The following ZNF407 variants were observed in gnomAD, a reference collection of about 807,000 sequenced individuals.
The protein encoded by ZNF407 is zinc finger protein 407.
In ZNF407, 17 loss-of-function variants were observed where a neutral mutation model predicts 131.2. That is an observed-to-expected ratio of 0.13 (90% CI 0.09 to 0.19). The LOEUF (loss-of-function observed/expected upper bound fraction) is 0.19. Ranked by LOEUF, ZNF407 falls within the 10% of genes least tolerant of loss-of-function variation. The pLI is 1.00. For missense variants in ZNF407, 2,681 were observed against 2,830.6 expected (o/e 0.95, Z 1.20); for synonymous variants, 1,156 against 1,062.0 (o/e 1.09, Z -1.72).
At chr18:74,887,744 A>T (rs17055822) in intron 6 of ZNF407, among the ~76,000 whole-genome samples, 18,380 of 152,126 alleles carry the variant, frequency 0.12, 1,204 homozygotes, top group Middle Eastern at 0.22. Flanking sequence ...CCATATTTTT[A>T]GTTGTCTTTA....
intron 3 of ZNF407, among the ~76,000 whole-genome samples, chr18:74,768,897 TGATATTTATA>T (rs1384130117): frequency 2.6e-5 from 4 of 152,172 alleles, no homozygotes; most frequent in Non-Finnish European, 4.4e-5. Flanking sequence ...AGGATGAAAA[TGATATTTATA>T]GAGTCCTGTC....
intron 4 of ZNF407, among the ~76,000 whole-genome samples, chr18:74,813,708 CCTT>C (rs1970230472): frequency 6.6e-6 from 1 of 152,126 alleles, no homozygotes; most frequent in Admixed American, 6.5e-5. Context: ...TCCAAGGGCC[CCTT>C]TGTCCGCCTC....
At chr18:75,046,232 A>G (rs896907422) in intron 8 of ZNF407, among the ~76,000 whole-genome samples, 1 of 152,202 alleles carries the variant, frequency 6.6e-6, no homozygotes, top group Non-Finnish European at 1.5e-5. Context: ...ATACAGCAAC[A>G]TGGGACCAAT....
At chr18:74,852,359 C>T (rs1970801944) in intron 4 of ZNF407, among the ~76,000 whole-genome samples, 1 of 151,826 alleles carries the variant, frequency 6.6e-6, no homozygotes, top group Non-Finnish European at 1.5e-5. Context: ...GTATTTATAC[C>T]TAAAAAAGAA....
chr18:74,909,845 T>C (rs545140892), intron 7 of ZNF407, among the ~76,000 whole-genome samples: 2 of 152,226 alleles, frequency 1.3e-5, no homozygotes, highest in Non-Finnish European at 2.9e-5. Flanking sequence ...TTTGACTTTA[T>C]GATTTCAGCT....
In ZNF407 at chr18:74,881,179, C is replaced by T. The variant is rs572719921; in HGVS notation, c.5128+60C>T. On this transcript the variant is annotated intron_variant, in intron 6 of 8. Coordinates refer to ENST00000299687, the MANE Select transcript of ZNF407 (RefSeq NM_017757.3). ...AGAGAGGACGGCAAGACACCCCAGC[C>T]TCAATTCTTGATGTCATCATTTACT... The T allele has an allele frequency of 1.8e-3, 2,537 of 1,434,982 alleles. 36 individuals are homozygous for T. Among genetic ancestry groups the T allele is most frequent in the South Asian group, 0.01 (808 of 80,344 alleles). 88.9% of individuals were successfully genotyped at this position (1,434,982 alleles called of 1,614,324 possible).
intron 3 of ZNF407, among the ~76,000 whole-genome samples, chr18:74,656,100 A>T (rs2144720448): frequency 6.6e-6 from 1 of 152,292 alleles, no homozygotes; most frequent in Non-Finnish European, 1.5e-5. Context: ...ATTTATCATT[A>T]TAATAGAGGC....
At chr18:74,921,294 G>A (rs1488278702) in intron 8 of ZNF407, among the ~76,000 whole-genome samples, 2 of 152,220 alleles carry the variant, frequency 1.3e-5, no homozygotes, top group Non-Finnish European at 2.9e-5. Context: ...CAGCGATGTG[G>A]CTGCAACTGC....
intron 8 of ZNF407, among the ~76,000 whole-genome samples, chr18:74,923,669 C>T (rs1014632924): frequency 6.6e-6 from 1 of 151,982 alleles, no homozygotes; most frequent in Non-Finnish European, 1.5e-5. Flanking sequence ...TTTGGCTTTA[C>T]GTATTTTGAA....
At chr18:75,044,575 A>G (rs1284791013) in intron 8 of ZNF407, among the ~76,000 whole-genome samples, 1 of 152,182 alleles carries the variant, frequency 6.6e-6, no homozygotes, top group Admixed American at 6.5e-5. Context: ...GTTTCTGATC[A>G]TGAAGTGAAT....
intron 3 of ZNF407, among the ~76,000 whole-genome samples, chr18:74,779,952 G>A (rs1399493714): frequency 1.3e-5 from 2 of 151,852 alleles, no homozygotes; most frequent in Non-Finnish European, 1.5e-5. Flanking sequence ...TATTATCACT[G>A]TGTTCTTTTT....
chr18:74,722,532 C>T (rs1968063828), intron 3 of ZNF407, among the ~76,000 whole-genome samples: 1 of 151,940 alleles, frequency 6.6e-6, no homozygotes. Context: ...GGGGTTTTGC[C>T]CTCACCCCAG....
rs1985716746 is a variant in ZNF407, at chr18:74,661,554, GTTTAAA to G, written c.4802+20438_4802+20443del. 2.0e-5 allele frequency among the ~76,000 whole-genome samples: 3 copies of G among 151,804 alleles called. No individual in the cohort carries two copies. The South Asian group carries it at 6.2e-4, about 31-fold the overall frequency. On this transcript the variant is annotated intron_variant, in intron 3 of 8. Coordinates refer to ENST00000299687, the MANE Select transcript of ZNF407 (RefSeq NM_017757.3). ...ATTTTTATGTTTATTAATGATATCT[GTTTAAA>G]TTTAAGTGTTTCCACATTTCCAAGT...
intron 3 of ZNF407, among the ~76,000 whole-genome samples, chr18:74,714,518 G>A (rs1050598150): frequency 1.3e-5 from 2 of 152,258 alleles, no homozygotes; most frequent in Admixed American, 6.5e-5. Flanking sequence ...TTTTAGAAGT[G>A]AACAATGCTG....
At chr18:74,833,235 G>C (rs915392446) in intron 4 of ZNF407, among the ~76,000 whole-genome samples, 1 of 152,236 alleles carries the variant, frequency 6.6e-6, no homozygotes, top group Admixed American at 6.5e-5. Flanking sequence ...GGTCAGCAGG[G>C]ATGAGCTTGG....
At chr18:74,809,201 A>G (rs1275819255) in intron 4 of ZNF407, among the ~76,000 whole-genome samples, 1 of 152,166 alleles carries the variant, frequency 6.6e-6, no homozygotes, top group Non-Finnish European at 1.5e-5. Flanking sequence ...GCTCTCTTTA[A>G]TATTTCTTTC....
intron 1 of ZNF407, among the ~76,000 whole-genome samples, chr18:74,616,736 T>A (rs1325115859): frequency 2.2e-5 from 3 of 138,524 alleles, no homozygotes; most frequent in African/African-American, 5.3e-5. Flanking sequence ...ATGTCCACGC[T>A]CTCTTGCCTA....
At chr18:74,735,777 T>TG (rs1968397947) in intron 3 of ZNF407, among the ~76,000 whole-genome samples, 1 of 152,242 alleles carries the variant, frequency 6.6e-6, no homozygotes. Flanking sequence ...CATGCAACCT[T>TG]GTGGCCATAT....
rs553072801 is a variant in ZNF407, at chr18:75,050,015, T to A, written c.5429-13135T>A. Among the ~76,000 whole-genome samples, 151 of 152,212 alleles carry A rather than the reference T, an allele frequency of 9.9e-4. 3 individuals carry two copies. Among genetic ancestry groups the A allele is most frequent in the Non-Finnish European group, 5.0e-4 (34 of 68,034 alleles). Reference sequence around the variant, plus strand: ...CTTTGGGCAATTTTTTACTACCGACTGCAGGACTTTACATTTATTTGCATT... The same window carrying A: ...CTTTGGGCAATTTTTTACTACCGACAGCAGGACTTTACATTTATTTGCATT... On this transcript the variant is annotated intron_variant, in intron 8 of 8. Coordinates refer to ENST00000299687, the MANE Select transcript of ZNF407 (RefSeq NM_017757.3).
Sources: gnomAD v4.1 joint callset for allele counts (sites outside exome capture counted in the v4.1 genomes callset) on GRCh38, gnomAD v4.1.1 for gene constraint, MANE v1.5 for transcripts, NCBI Gene and HGNC (gene_info 2026-07-23, HGNC 2026-07-21) for gene names.